The following GTF2H1 variants were observed in gnomAD, a reference collection of about 807,000 sequenced individuals.
GTF2H1 encodes BTF2 p62.
In GTF2H1, 16 loss-of-function variants were observed where a neutral mutation model predicts 71.2. That is an observed-to-expected ratio of 0.22 (90% confidence interval 0.15 to 0.34). GTF2H1 has a LOEUF of 0.34. Ranked by LOEUF, GTF2H1 falls within the 10% of genes least tolerant of loss-of-function variation. GTF2H1 has a pLI of 1.00. For missense variants in GTF2H1, 498 were observed against 648.2 expected (o/e 0.77, Z 2.52); for synonymous variants, 215 against 219.0 (o/e 0.98, Z 0.16).
intron 9 of GTF2H1, among the ~76,000 whole-genome samples, chr11:18,349,977 AATGT>A (rs1199885100): frequency 6.6e-6 from 1 of 152,234 alleles, no homozygotes; most frequent in African/African-American, 2.4e-5. Flanking sequence ...AGTGAAAAAC[AATGT>A]ATGGGTACTC....
rs998558988 is a variant in GTF2H1, at chr11:18,337,124, G to A, written c.348-985G>A. ...GTGCTTATATCTGTGCATGCTTAGC[G>A]CCATGAAAAATCCATTGCTGAAGGC... On this transcript the variant is annotated intron_variant, in intron 3 of 14. Transcript: ENST00000265963. Among the ~76,000 whole-genome samples, 7 of 152,178 alleles carry A rather than the reference G, an allele frequency of 4.6e-5. No individual in the cohort carries two copies. The South Asian group carries it at 8.3e-4, about 18-fold the overall frequency.
intron 1 of GTF2H1, among the ~76,000 whole-genome samples, chr11:18,331,058 T>C (rs1864883028): frequency 6.6e-6 from 1 of 152,152 alleles, no homozygotes; most frequent in Non-Finnish European, 1.5e-5. Flanking sequence ...TTTGTTTTGT[T>C]TTGTTTTGAG....
chr11:18,333,628 C>T (rs1864952776), intron 2 of GTF2H1: 1 of 154,602 alleles, frequency 6.5e-6, no homozygotes, highest in Admixed American at 6.5e-5. Context: ...AAAGAATTTC[C>T]TGTTTAATAG....
intron 7 of GTF2H1, among the ~76,000 whole-genome samples, chr11:18,345,843 G>A (rs1865281554): frequency 7.1e-6 from 1 of 139,930 alleles, no homozygotes; most frequent in Non-Finnish European, 1.5e-5. Flanking sequence ...AGGCTAGAGT[G>A]CAGTAGCACC....
intron 7 of GTF2H1, chr11:18,341,935 AAATT>A (rs1179110455): frequency 5.5e-6 from 1 of 182,030 alleles, no homozygotes; most frequent in East Asian, 1.6e-4. Flanking sequence ...AAATATGGAT[AAATT>A]AATAAATAAG....
chr11:18,367,040 C>T lies in GTF2H1; in HGVS notation c.*1171C>T, dbSNP rs925017379. On this transcript the variant is annotated 3_prime_UTR_variant, in exon 15 of 15. Transcript: ENST00000265963. ...AAACTTTTTATACTTACCCTTTTAA[C>T]TCTAACACATCTCTGGTTTCTCATT... The T allele has an allele frequency of 2.0e-5, 3 of 152,160 alleles. No homozygotes were observed. The highest frequency in any genetic ancestry group is 2.9e-5 in the Non-Finnish European group (2 of 68,028). 9.4% of individuals were successfully genotyped at this position (152,160 alleles called of 1,614,324 possible). A position where few individuals can be genotyped will look rare whatever the true frequency, so the allele number is the denominator to read the frequency against.
In GTF2H1 at chr11:18,334,095, A is replaced by G. The variant is rs943166712; in HGVS notation, c.154+867A>G. ...CATTTCTACTAAAAATACAAAAATT[A>G]AGGGCCGGGCGCGGTGGCTCACGCC... On this transcript the variant is annotated intron_variant, in intron 2 of 14. Transcript: ENST00000265963. 2.6e-5 allele frequency among the ~76,000 whole-genome samples: 4 copies of G among 152,058 alleles called. No individual in the cohort carries two copies. The East Asian group carries it at 7.7e-4, about 29-fold the overall frequency.
chr11:18,342,265 T>G (rs886632127), intron 7 of GTF2H1, among the ~76,000 whole-genome samples: 2 of 134,488 alleles, frequency 1.5e-5, no homozygotes, highest in African/African-American at 6.0e-5. Context: ...TTTTTTTTTT[T>G]TTTTTTTTTT....
chr11:18,333,443 GACATAT>G, intron 2 of GTF2H1: 3 of 380,456 alleles, frequency 7.9e-6, no homozygotes, highest in South Asian at 5.7e-5. Context: ...AAATCTACCT[GACATAT>G]AGATCTCCAC....
chr11:18,351,229 A>G (rs539021085), intron 9 of GTF2H1, among the ~76,000 whole-genome samples: 2 of 151,168 alleles, frequency 1.3e-5, no homozygotes, highest in Admixed American at 1.3e-4. Context: ...TGCGCCTAGA[A>G]AAAAAAAATT....
At chr11:18,341,766 T>C (rs1207667261) in intron 7 of GTF2H1, 159 bp downstream of exon 7, 8 of 523,792 alleles carry the variant, frequency 1.5e-5, no homozygotes, top group Middle Eastern at 5.1e-4. Context: ...ATAGCGTTGT[T>C]TGCCATTAAA....
rs1178844110 is a variant in GTF2H1 at position 18,322,597 on chromosome 11, AC to A, written c.-154del. On this transcript the variant is annotated 5_prime_UTR_variant, in exon 1 of 15. The change abolishes the stop of an existing upstream ORF in the 5' untranslated region. Coordinates refer to ENST00000265963, the MANE Select transcript of GTF2H1 (RefSeq NM_005316.4). Reference sequence around the variant, plus strand: ...CCTCGCAGCCAGCGATGGAGGCGAGACCCCCTAGTAACAGAGGCGGTGGCTA... The same window carrying A: ...CCTCGCAGCCAGCGATGGAGGCGAGACCCCTAGTAACAGAGGCGGTGGCTA... 6.6e-6 allele frequency: 1 copy of A among 152,048 alleles called. No individual in the cohort carries two copies. Among genetic ancestry groups the A allele is most frequent in the Admixed American group, 6.5e-5 (1 of 15,268 alleles). 9.4% of individuals were successfully genotyped at this position (152,048 alleles called of 1,614,324 possible). A position where few individuals can be genotyped will look rare whatever the true frequency, so the allele number is the denominator to read the frequency against.
At chr11:18,353,284 G>A (rs1462794588) in intron 11 of GTF2H1, among the ~76,000 whole-genome samples, 1 of 152,240 alleles carries the variant, frequency 6.6e-6, no homozygotes, top group Admixed American at 6.6e-5. Context: ...TATCACTGCG[G>A]CTTGAAAACC....
intron 14 of GTF2H1, among the ~76,000 whole-genome samples, chr11:18,365,093 C>A (rs1187709064): frequency 1.6e-4 from 20 of 127,276 alleles, no homozygotes; most frequent in African/African-American, 1.0e-4. Flanking sequence ...AAAAAAAAAA[C>A]CTGGCCGGGC....
intron 11 of GTF2H1, among the ~76,000 whole-genome samples, chr11:18,353,656 T>A (rs1865477210): frequency 6.6e-6 from 1 of 152,260 alleles, no homozygotes; most frequent in Non-Finnish European, 1.5e-5. Flanking sequence ...TCTCCGTTTT[T>A]ATGAGCACTG....
At chr11:18,358,999 T>C (rs927675156) in intron 13 of GTF2H1, among the ~76,000 whole-genome samples, 6 of 152,322 alleles carry the variant, frequency 3.9e-5, no homozygotes, top group East Asian at 1.9e-4. Context: ...ACAACAAATA[T>C]AGCACTAGCT....
intron 11 of GTF2H1, among the ~76,000 whole-genome samples, chr11:18,356,642 T>A (rs1865554878): frequency 6.6e-6 from 1 of 152,070 alleles, no homozygotes; most frequent in South Asian, 2.1e-4. Context: ...TGGAGTGCAG[T>A]AGCACTATCA....
intron 9 of GTF2H1, among the ~76,000 whole-genome samples, chr11:18,349,389 CAG>C (rs1411451092): frequency 1.3e-5 from 2 of 152,126 alleles, no homozygotes; most frequent in Non-Finnish European, 2.9e-5. Context: ...AACAAGTTAT[CAG>C]AAATTTCTTG....
At chr11:18,359,889 A>C (rs945421642) in intron 13 of GTF2H1, among the ~76,000 whole-genome samples, 3 of 151,460 alleles carry the variant, frequency 2.0e-5, no homozygotes, top group Admixed American at 2.0e-4. Context: ...TGGGAGGCCA[A>C]GGCAGGCAGA....
Sources: allele counts gnomAD v4.1 joint callset (sites outside exome capture counted in the v4.1 genomes callset), GRCh38; gene constraint gnomAD v4.1.1; transcripts MANE v1.5; gene names NCBI Gene and HGNC (gene_info 2026-07-23, HGNC 2026-07-21).